Variants in ADAMTS12 observed in about 807,000 individuals in gnomAD.
The protein encoded by ADAMTS12 is A disintegrin and metalloproteinase with thrombospondin motifs 12.
In ADAMTS12, 118 loss-of-function variants were observed where a neutral mutation model predicts 167.8. That is an observed-to-expected ratio of 0.70 (90% CI 0.61 to 0.82). The LOEUF (loss-of-function observed/expected upper bound fraction) is 0.82, where lower values mean the gene tolerates loss of function less well. ADAMTS12 is among the 40% of genes least tolerant of loss of function. ADAMTS12 has a pLI of 0.00. For missense variants in ADAMTS12, 1,916 were observed against 1,998.8 expected, an observed-to-expected ratio of 0.96 and a Z score of 0.79; for synonymous variants, 704 against 716.9, an observed-to-expected ratio of 0.98 and a Z score of 0.29.
intron 3 of ADAMTS12, among the ~76,000 whole-genome samples, chr5:33,718,295 G>A (rs1484482146): frequency 6.6e-6 from 1 of 152,168 alleles, no homozygotes; most frequent in Non-Finnish European, 1.5e-5. Context: ...TTGCTGTAAA[G>A]CAGGGGCCCC....
chr5:33,651,326 C>T (rs1237957052), intron 7 of ADAMTS12, among the ~76,000 whole-genome samples: 2 of 152,074 alleles, frequency 1.3e-5, no homozygotes, highest in Non-Finnish European at 2.9e-5. Flanking sequence ...AATCTAGGGC[C>T]CTCACAAATG....
chr5:33,749,171 A>G (rs933099193), intron 3 of ADAMTS12, among the ~76,000 whole-genome samples: 1 of 152,104 alleles, frequency 6.6e-6, no homozygotes, highest in Non-Finnish European at 1.5e-5. Flanking sequence ...CTGAATTCCT[A>G]CTTTGCATTG....
intron 23 of ADAMTS12, among the ~76,000 whole-genome samples, chr5:33,533,433 C>A (rs1744215615): frequency 6.6e-6 from 1 of 152,148 alleles, no homozygotes; most frequent in Non-Finnish European, 1.5e-5. Flanking sequence ...ACATGAATCA[C>A]CAGGGATCTT....
intron 2 of ADAMTS12, among the ~76,000 whole-genome samples, chr5:33,829,555 G>C (rs1319587604): frequency 6.6e-6 from 1 of 152,118 alleles, no homozygotes; most frequent in Admixed American, 6.5e-5. Flanking sequence ...GTTAAGAAAT[G>C]ATTTCCCAAG....
At chr5:33,861,731 C>G (rs1749622252) in intron 2 of ADAMTS12, among the ~76,000 whole-genome samples, 1 of 152,154 alleles carries the variant, frequency 6.6e-6, no homozygotes, top group Non-Finnish European at 1.5e-5. Flanking sequence ...ACACATTCTT[C>G]TTAGCACCAT....
At chr5:33,538,402 A>C (rs1744518601) in intron 22 of ADAMTS12, among the ~76,000 whole-genome samples, 1 of 152,176 alleles carries the variant, frequency 6.6e-6, no homozygotes, top group African/African-American at 2.4e-5. Flanking sequence ...TTACAATCCA[A>C]GATGAGATTT....
intron 14 of ADAMTS12, among the ~76,000 whole-genome samples, chr5:33,617,307 G>T (rs1458405651): frequency 1.3e-5 from 2 of 151,544 alleles, no homozygotes; most frequent in Non-Finnish European, 2.9e-5. Context: ...TATTTGGTCT[G>T]ATGAGCAAGC....
chr5:33,653,171 T>C (rs531555280), intron 7 of ADAMTS12, among the ~76,000 whole-genome samples: 35 of 152,260 alleles, frequency 2.3e-4, no homozygotes, highest in Middle Eastern at 3.4e-3. Context: ...TTTGAAGATG[T>C]TCTTTATCAA....
chr5:33,525,940 G>T lies in ADAMTS12; in HGVS notation c.*1248C>A, dbSNP rs1376522954. ...AGCCTACTTTGACTTCTGGTGGGAG[G>T]TAGGAACATCCAGAACAAGCATTCT... On this transcript the variant is annotated 3_prime_UTR_variant, in exon 24 of 24. Coordinates refer to ENST00000504830, the MANE Select transcript of ADAMTS12 (RefSeq NM_030955.4). 1 of 152,136 alleles carries T rather than the reference G, an allele frequency of 6.6e-6. No homozygotes were observed. The highest frequency in any genetic ancestry group is 1.5e-5 in the Non-Finnish European group (1 of 68,044). The allele number at this position is 152,136 out of a possible 1,614,324, so 9.4% of individuals were successfully genotyped here.
At chr5:33,852,938 A>G (rs1749271290) in intron 2 of ADAMTS12, among the ~76,000 whole-genome samples, 1 of 152,182 alleles carries the variant, frequency 6.6e-6, no homozygotes, top group Admixed American at 6.5e-5. Flanking sequence ...CTAAATCCCC[A>G]TTCATTTAGT....
intron 5 of ADAMTS12, among the ~76,000 whole-genome samples, chr5:33,676,257 C>T (rs1162773707): frequency 6.6e-6 from 1 of 152,152 alleles, no homozygotes; most frequent in East Asian, 1.9e-4. Flanking sequence ...TCTTTGTAAG[C>T]TCTCTCTATA....
intron 13 of ADAMTS12, among the ~76,000 whole-genome samples, chr5:33,628,659 T>C (rs1739774350): frequency 1.3e-5 from 2 of 152,178 alleles, no homozygotes; most frequent in African/African-American, 4.8e-5. Context: ...TTTTATGTAA[T>C]ACATGCTCAA....
At chr5:33,596,257 G>T (rs1737866352) in intron 16 of ADAMTS12, among the ~76,000 whole-genome samples, 197 bp from the exon 17 acceptor site, 1 of 152,060 alleles carries the variant, frequency 6.6e-6, no homozygotes, top group South Asian at 2.1e-4. Flanking sequence ...GGCAAGAGGA[G>T]GAGGAGAGCT....
chr5:33,696,420 C>CA (rs71600922), intron 3 of ADAMTS12, among the ~76,000 whole-genome samples: 47,333 of 129,928 alleles, frequency 0.36, 9,276 homozygotes, highest in East Asian at 0.6. Context: ...GACTCCGTCT[C>CA]AAAAAAAAAA....
At chr5:33,643,352 C>T in intron 10 of ADAMTS12, 26 bp downstream of exon 10, 1 of 1,613,164 alleles carries the variant, frequency 6.2e-7, no homozygotes, top group Non-Finnish European at 8.5e-7. Context: ...CGCCCTCCCA[C>T]CTCATTCCTC....
rs1196095981 is a variant in ADAMTS12, at chr5:33,526,871, T to TA, written c.*316dup. ...GGGAAATAGCTGGTCTCTTTGTTTT[T>TA]ATCTTTAAGGGAGAACAAAAATACA... On this transcript the variant is annotated 3_prime_UTR_variant, in exon 24 of 24. Coordinates refer to ENST00000504830, the MANE Select transcript of ADAMTS12 (RefSeq NM_030955.4). The TA allele has an allele frequency of 4.3e-6, 1 of 233,916 alleles. No homozygotes were observed. The highest frequency in any genetic ancestry group is 2.2e-5 in the African/African-American group (1 of 44,512). 14.5% of individuals were successfully genotyped at this position (233,916 alleles called of 1,614,324 possible).
chr5:33,830,232 G>T (rs1360363210), intron 2 of ADAMTS12, among the ~76,000 whole-genome samples: 1 of 152,148 alleles, frequency 6.6e-6, no homozygotes, highest in Non-Finnish European at 1.5e-5. Flanking sequence ...GAGAGCCATT[G>T]TACCACCCAG....
chr5:33,570,606 T>C (rs1321078963), intron 19 of ADAMTS12, among the ~76,000 whole-genome samples: 2 of 152,036 alleles, frequency 1.3e-5, no homozygotes, highest in African/African-American at 4.8e-5. Flanking sequence ...GCACTAAACA[T>C]GGAAAGGCAC....
At chr5:33,711,310 C>A (rs10076096) in intron 3 of ADAMTS12, among the ~76,000 whole-genome samples, 37,854 of 152,086 alleles carry the variant, frequency 0.25, 5,197 homozygotes, top group East Asian at 0.59. Context: ...CAGGGGTGTC[C>A]ACCCTCGGTG....
Sources: gnomAD v4.1 joint callset for allele counts (sites outside exome capture counted in the v4.1 genomes callset) on GRCh38, gnomAD v4.1.1 for gene constraint, MANE v1.5 for transcripts, NCBI Gene and HGNC (gene_info 2026-07-23, HGNC 2026-07-21) for gene names.